The following SHISA9 variants were observed in gnomAD, a reference collection of about 807,000 sequenced individuals.
SHISA9 encodes shisa family member 9, also known as protein shisa-9.
Under a neutral mutation model 38.0 loss-of-function variants are expected in SHISA9, and 13 were observed. The ratio of observed to expected loss-of-function variants is 0.34; its 90% CI spans 0.22 to 0.54. The LOEUF (loss-of-function observed/expected upper bound fraction) is 0.54. SHISA9 is among the 20% of genes least tolerant of loss of function. The pLI is 0.91. For synonymous variants in SHISA9, 275 were observed against 242.0 expected, an observed-to-expected ratio of 1.14 and a Z score of -1.27; for missense variants, 538 against 575.8, an observed-to-expected ratio of 0.93 and a Z score of 0.67.
the SHISA9 span, among the ~76,000 whole-genome samples, chr16:13,397,941 G>C: frequency 0.014 from 2,113 of 152,308 alleles, 28 homozygotes; most frequent in Middle Eastern, 0.041. Flanking sequence ...CGGGGAGCCA[G>C]AAGGGAGATG....
intron 2 of SHISA9, among the ~76,000 whole-genome samples, chr16:13,025,311 C>G (rs1157292771): frequency 6.6e-6 from 1 of 152,214 alleles, no homozygotes; most frequent in Non-Finnish European, 1.5e-5. Flanking sequence ...TACAAATTCT[C>G]AGGACACACT....
At chr16:12,970,987 G>C (rs1408100154) in intron 2 of SHISA9, among the ~76,000 whole-genome samples, 1 of 152,176 alleles carries the variant, frequency 6.6e-6, no homozygotes, top group Non-Finnish European at 1.5e-5. Context: ...GAAACAGCAC[G>C]TGGACAGTTA....
intron 2 of SHISA9, among the ~76,000 whole-genome samples, chr16:12,989,714 A>T (rs998687551): frequency 2.0e-5 from 3 of 152,166 alleles, no homozygotes; most frequent in African/African-American, 7.2e-5. Flanking sequence ...CATTAAAAGT[A>T]ACATTTTAGA....
the SHISA9 span, among the ~76,000 whole-genome samples, chr16:13,472,679 A>ACCG: frequency 6.6e-6 from 1 of 151,812 alleles, no homozygotes; most frequent in Non-Finnish European, 1.5e-5. Context: ...GGCGTGAGCC[A>ACCG]CAATGCCCGG....
At chr16:13,404,736 A>G in the SHISA9 span, among the ~76,000 whole-genome samples, 1 of 152,222 alleles carries the variant, frequency 6.6e-6, no homozygotes, top group Non-Finnish European at 1.5e-5. Flanking sequence ...TCAAACATCC[A>G]TTCTATCTCA....
At chr16:13,223,244 T>C (rs1359048319) in intron 4 of SHISA9, among the ~76,000 whole-genome samples, 1 of 151,934 alleles carries the variant, frequency 6.6e-6, no homozygotes, top group Non-Finnish European at 1.5e-5. Flanking sequence ...CTGGACAACA[T>C]AGTGAGACAC....
intron 2 of SHISA9, among the ~76,000 whole-genome samples, chr16:13,076,240 A>G (rs2073580514): frequency 6.6e-6 from 1 of 152,132 alleles, no homozygotes; most frequent in Non-Finnish European, 1.5e-5. Flanking sequence ...CATGTTGGCC[A>G]GGCTGGTCTC....
chr16:13,534,063 G>A, the SHISA9 span, among the ~76,000 whole-genome samples: 4 of 152,070 alleles, frequency 2.6e-5, no homozygotes, highest in Non-Finnish European at 1.5e-5. Context: ...GATTATAGGC[G>A]TGAGCCACCG....
At chr16:13,482,619 G>A in the SHISA9 span, among the ~76,000 whole-genome samples, 5 of 151,922 alleles carry the variant, frequency 3.3e-5, no homozygotes, top group African/African-American at 9.7e-5. Context: ...GAGCAACATG[G>A]CAAGACCCCA....
At chr16:13,539,121 CA>C in the SHISA9 span, among the ~76,000 whole-genome samples, 2 of 151,274 alleles carry the variant, frequency 1.3e-5, no homozygotes, top group Non-Finnish European at 2.9e-5. Flanking sequence ...GGTCCAGCAA[CA>C]AATGCATTAT....
At chr16:13,395,849 G>T in the SHISA9 span, among the ~76,000 whole-genome samples, 1 of 152,236 alleles carries the variant, frequency 6.6e-6, no homozygotes, top group African/African-American at 2.4e-5. Context: ...GATCTGTGCA[G>T]AGTGGGTATC....
At chr16:13,219,403 G>T (rs1401127260) in intron 4 of SHISA9, among the ~76,000 whole-genome samples, 1 of 152,178 alleles carries the variant, frequency 6.6e-6, no homozygotes, top group Non-Finnish European at 1.5e-5. Context: ...ATCAACCAGA[G>T]GGAAGTCTGG....
At chr16:13,123,759 T>C (rs2050233641) in intron 2 of SHISA9, among the ~76,000 whole-genome samples, 1 of 152,220 alleles carries the variant, frequency 6.6e-6, no homozygotes, top group South Asian at 2.1e-4. Flanking sequence ...CAAGCCCTTC[T>C]TGTGGCAAAG....
chr16:13,468,671 CAAAG>C, the SHISA9 span, among the ~76,000 whole-genome samples: 3 of 152,008 alleles, frequency 2.0e-5, no homozygotes, highest in African/African-American at 7.3e-5. Context: ...GACTGGTCCT[CAAAG>C]AAATCTTACC....
intron 2 of SHISA9, among the ~76,000 whole-genome samples, chr16:13,069,416 G>A (rs1048276494): frequency 6.6e-6 from 1 of 152,028 alleles, no homozygotes; most frequent in Admixed American, 6.5e-5. Context: ...ATGTGTGCAT[G>A]TGTGTGTATG....
intron 2 of SHISA9, among the ~76,000 whole-genome samples, chr16:12,918,411 A>G (rs2071285574): frequency 1.3e-5 from 2 of 152,220 alleles, no homozygotes; most frequent in African/African-American, 4.8e-5. Context: ...GTGATTGCTA[A>G]CAGGATTTTC....
At chr16:13,553,564 G>A in the SHISA9 span, among the ~76,000 whole-genome samples, 1 of 152,064 alleles carries the variant, frequency 6.6e-6, no homozygotes, top group Non-Finnish European at 1.5e-5. Context: ...TACCATAGCA[G>A]AGAGAAAAGA....
chr16:13,417,042 A>G, the SHISA9 span, among the ~76,000 whole-genome samples: 5 of 152,332 alleles, frequency 3.3e-5, no homozygotes, highest in African/African-American at 1.2e-4. Flanking sequence ...GTTTATAACA[A>G]TTTAAGGAGC....
chr16:13,228,162 T>G (rs2051297317), intron 4 of SHISA9, among the ~76,000 whole-genome samples: 1 of 152,184 alleles, frequency 6.6e-6, no homozygotes, highest in Non-Finnish European at 1.5e-5. Flanking sequence ...TAAACTCAGA[T>G]CTGTCTCATT....
Sources: allele counts gnomAD v4.1 joint callset (sites outside exome capture counted in the v4.1 genomes callset), GRCh38; gene constraint gnomAD v4.1.1; transcripts MANE v1.5; gene names NCBI Gene and HGNC (gene_info 2026-07-23, HGNC 2026-07-21).